SVIL: variants seen among roughly 807,000 people sequenced by gnomAD.
SVIL encodes the protein archvillin.
Under a neutral mutation model 240.4 loss-of-function variants are expected in SVIL, and 101 were observed. The ratio of observed to expected loss-of-function variants is 0.42; its 90% confidence interval spans 0.36 to 0.50. The LOEUF (loss-of-function observed/expected upper bound fraction) is 0.50. Among genes scored for constraint, SVIL ranks in the 20% least tolerant of loss-of-function variants. The pLI is 0.01. For missense variants in SVIL, 2,512 were observed against 2,818.7 expected (o/e 0.89, Z 2.46); for synonymous variants, 999 against 1,100.0 (o/e 0.91, Z 1.82).
intron 1 of SVIL, among the ~76,000 whole-genome samples, chr10:29,625,137 T>C (rs1171887052): frequency 6.6e-6 from 1 of 152,152 alleles, no homozygotes; most frequent in Non-Finnish European, 1.5e-5. Context: ...TTCTCTGACA[T>C]GATTAGTGAC....
intron 1 of SVIL, among the ~76,000 whole-genome samples, chr10:29,723,736 A>T (rs1473797128): frequency 1.3e-5 from 2 of 152,198 alleles, no homozygotes; most frequent in African/African-American, 4.8e-5. Flanking sequence ...AATGGAGGCA[A>T]CTTTCCTTGT....
At chr10:29,512,372 T>C (rs1280557407) in intron 17 of SVIL, among the ~76,000 whole-genome samples, 2 of 152,220 alleles carry the variant, frequency 1.3e-5, no homozygotes, top group Non-Finnish European at 2.9e-5. Flanking sequence ...GTATTTTACA[T>C]GGAACTTAAA....
chr10:29,512,285 T>C (rs1179207827), intron 17 of SVIL, among the ~76,000 whole-genome samples: 1 of 152,258 alleles, frequency 6.6e-6, no homozygotes, highest in African/African-American at 2.4e-5. Context: ...AATGATGAAC[T>C]AAATACTCAT....
intron 1 of SVIL, among the ~76,000 whole-genome samples, chr10:29,690,575 T>G (rs948576445): frequency 1.3e-5 from 2 of 152,144 alleles, no homozygotes; most frequent in South Asian, 2.1e-4. Flanking sequence ...ATGTTTTTAT[T>G]TCACCTGTCT....
chr10:29,545,244 C>T (rs1376331875), intron 6 of SVIL: 1 of 378,160 alleles, frequency 2.6e-6, no homozygotes, highest in Non-Finnish European at 5.3e-6. Flanking sequence ...GCACAAGCCC[C>T]TTCCTTTCTT....
chr10:29,617,805 G>A (rs1214371195), intron 1 of SVIL, among the ~76,000 whole-genome samples: 2 of 152,174 alleles, frequency 1.3e-5, no homozygotes, highest in African/African-American at 4.8e-5. Context: ...TAGTTTCAGT[G>A]TGGCTCTCTA....
chr10:29,568,014 C>T (rs1211975999), intron 2 of SVIL, among the ~76,000 whole-genome samples: 1 of 126,730 alleles, frequency 7.9e-6, no homozygotes, highest in Non-Finnish European at 1.6e-5. Flanking sequence ...GAGACTCCGT[C>T]TCAAAAAAAA....
At chr10:29,524,911 C>T (rs1950797646) in intron 13 of SVIL, among the ~76,000 whole-genome samples, 196 bp from the exon 14 acceptor site, 1 of 151,994 alleles carries the variant, frequency 6.6e-6, no homozygotes, top group Admixed American at 6.6e-5. Flanking sequence ...AGCATCATCA[C>T]TTCTACAAAG....
In SVIL at chr10:29,512,717, T is replaced by G; in HGVS notation, c.3516+18A>C. The G allele has an allele frequency of 6.2e-7, 1 of 1,614,158 alleles. No individual in the cohort carries two copies. The highest frequency in any genetic ancestry group is 1.3e-5 in the African/African-American group (1 of 75,070). ...GTGATGTTAGTCGGAAGGCTTTTCC[T>G]AACATGGGGAATGTTACCTTCTTGA... On this transcript the variant is annotated intron_variant, in intron 17 of 37. Transcript: ENST00000355867.
intron 1 of SVIL, among the ~76,000 whole-genome samples, chr10:29,590,482 G>C (rs1956350115): frequency 6.6e-6 from 1 of 152,134 alleles, no homozygotes; most frequent in African/African-American, 2.4e-5. Flanking sequence ...ATTTTTATCA[G>C]ATCTTTTCCT....
At chr10:29,590,140 T>G (rs1389149462) in intron 1 of SVIL, among the ~76,000 whole-genome samples, 1 of 129,204 alleles carries the variant, frequency 7.7e-6, no homozygotes, top group African/African-American at 3.2e-5. Context: ...CTCTCCAGCC[T>G]TGGCAACAGA....
intron 1 of SVIL, among the ~76,000 whole-genome samples, chr10:29,611,672 A>G (rs1280212067): frequency 6.6e-6 from 1 of 152,194 alleles, no homozygotes; most frequent in African/African-American, 2.4e-5. Flanking sequence ...AGATGTGGTT[A>G]AAAGGTAGGC....
intron 2 of SVIL, 92 bp from the exon 3 acceptor site, chr10:29,563,384 ACAT>A (rs1954685817): frequency 6.9e-6 from 3 of 432,370 alleles, no homozygotes; most frequent in Non-Finnish European, 9.3e-6. Flanking sequence ...ATATTGTTAC[ACAT>A]CATTCAATAT....
chr10:29,524,070 A>G (rs769917448), intron 14 of SVIL, 43 bp from the exon 15 acceptor site: 3 of 1,525,218 alleles, frequency 2.0e-6, no homozygotes, highest in Admixed American at 2.1e-5. Context: ...CTTGAAAAAT[A>G]TCATCTATAT....
At chr10:29,668,148 C>A (rs543447696) in intron 2 of SVIL, among the ~76,000 whole-genome samples, 1 of 152,188 alleles carries the variant, frequency 6.6e-6, no homozygotes, top group Non-Finnish European at 1.5e-5. Flanking sequence ...TTAAAGCTAC[C>A]TCTGAGTGTT....
intron 2 of SVIL, among the ~76,000 whole-genome samples, chr10:29,672,872 C>G (rs1057183113): frequency 2.0e-5 from 3 of 151,992 alleles, no homozygotes; most frequent in Non-Finnish European, 4.4e-5. Flanking sequence ...TTCTCCAGTG[C>G]CTGGCACACA....
In SVIL at chr10:29,617,092, T is replaced by C. The variant is rs377444004; in HGVS notation, c.-201+17328A>G. Among the ~76,000 whole-genome samples, 74 of 152,246 alleles carry C rather than the reference T, an allele frequency of 4.9e-4. No homozygotes were observed. The South Asian group carries it at 9.5e-3, about 20-fold the overall frequency. The stretch of plus-strand genomic sequence containing the variant: ...ACAAACCTCACTAAAATAACGCTTA[T>C]CTTCCCCTAGTTTCCCCCGTGTATT... On this transcript the variant is annotated intron_variant, in intron 1 of 37. Coordinates refer to ENST00000355867, the MANE Select transcript of SVIL (RefSeq NM_021738.3).
At chr10:29,497,032 T>G (rs1948497421) in intron 18 of SVIL, among the ~76,000 whole-genome samples, 3 of 152,326 alleles carry the variant, frequency 2.0e-5, no homozygotes, top group South Asian at 4.1e-4. Context: ...TTCTGTGATC[T>G]GATGCAGAAA....
intron 12 of SVIL, 67 bp downstream of exon 12, chr10:29,529,638 C>T: frequency 2.0e-6 from 3 of 1,498,694 alleles, no homozygotes; most frequent in Non-Finnish European, 2.7e-6. Context: ...TCATTGAACA[C>T]TCTTTAAATG....
Sources: gnomAD v4.1 joint callset for allele counts (sites outside exome capture counted in the v4.1 genomes callset) on GRCh38, gnomAD v4.1.1 for gene constraint, MANE v1.5 for transcripts, NCBI Gene and HGNC (gene_info 2026-07-23, HGNC 2026-07-21) for gene names.